Variants in HEATR5B observed in about 807,000 individuals in gnomAD.
HEATR5B encodes the protein HEAT repeat containing 5B, also known as HEAT repeat-containing protein 5B.
HEATR5B carries 156 observed loss-of-function variants against 224.1 expected under a neutral mutation model. The ratio of observed to expected loss-of-function variants is 0.70; its 90% CI spans 0.61 to 0.80. The LOEUF is 0.80. Among genes scored for constraint, HEATR5B ranks in the 30% least tolerant of loss-of-function variants. HEATR5B has a pLI of 0.00. For synonymous variants in HEATR5B, 1,027 were observed against 893.0 expected (o/e 1.15, Z -2.68); for missense variants, 2,323 against 2,535.5 (o/e 0.92, Z 1.80).
intron 21 of HEATR5B, among the ~76,000 whole-genome samples, chr2:37,033,888 T>C (rs1349743203): frequency 6.6e-6 from 1 of 152,154 alleles, no homozygotes; most frequent in Non-Finnish European, 1.5e-5. Context: ...TAAGCTATTA[T>C]AATTATTAGT....
In HEATR5B at chr2:37,064,862, C is replaced by T. The variant is rs1171311124; in HGVS notation, c.1462G>A (p.Ala488Thr). Residue 488 changes from alanine (A) to threonine (T), a missense_variant, in exon 10 of 36, where the codon GCA becomes ACA. Coordinates refer to ENST00000233099, the MANE Select transcript of HEATR5B (RefSeq NM_019024.3). ...FQLTPFLDRC[A>T]ERLNNLKTSP... is the part of the protein sequence containing the mutation. ...GTCTTCAAGTTGTTGAGCCGTTCTG[C>T]ACACCTGTCTAGAAATGGTGTCAGC... 7.4e-6 allele frequency: 12 copies of T among 1,613,988 alleles called. No individual in the cohort carries two copies. Among genetic ancestry groups the T allele is most frequent in the Non-Finnish European group, 1.0e-5 (12 of 1,180,010 alleles).
intron 12 of HEATR5B, among the ~76,000 whole-genome samples, chr2:37,060,068 T>C (rs1671184313): frequency 6.6e-6 from 1 of 152,224 alleles, no homozygotes; most frequent in African/African-American, 2.4e-5. Context: ...GCGTTTCCTG[T>C]AAGCTGTTAA....
intron 21 of HEATR5B, 65 bp from the exon 22 acceptor site, chr2:37,032,838 C>T: frequency 2.9e-6 from 4 of 1,382,186 alleles, no homozygotes; most frequent in Non-Finnish European, 4.0e-6. Context: ...ATCTTATTTG[C>T]CCAATGAATA....
Position 37,005,485 on chromosome 2 carries a change from A to C in HEATR5B, c.4905+147T>G, listed in dbSNP as rs1667351493. Reference sequence around the variant, plus strand: ...GGCAGACCAGGCACAGAGTAAAAGTAACTGGGTGAATAAATACAGGGAGTC... The same window carrying C: ...GGCAGACCAGGCACAGAGTAAAAGTCACTGGGTGAATAAATACAGGGAGTC... On this transcript the variant is annotated intron_variant, in intron 30 of 35. Transcript: ENST00000233099. 4.0e-5 allele frequency: 29 copies of C among 728,636 alleles called. No individual in the cohort carries two copies. The South Asian group carries it at 5.2e-4, about 13-fold the overall frequency. The allele number at this position is 728,636 out of a possible 1,614,324, so 45.1% of individuals were successfully genotyped here. A position where few individuals can be genotyped will look rare whatever the true frequency, so the allele number is the denominator to read the frequency against.
intron 27 of HEATR5B, among the ~76,000 whole-genome samples, 182 bp from the exon 28 acceptor site, chr2:37,009,030 C>A (rs912944506): frequency 6.6e-5 from 10 of 151,678 alleles, no homozygotes; most frequent in Admixed American, 1.3e-4. Context: ...GAGGCCAAGG[C>A]GGGTAGATCA....
At chr2:37,065,931 C>G (rs200176334) in intron 8 of HEATR5B, 21 bp from the exon 9 acceptor site, 1 of 1,590,738 alleles carries the variant, frequency 6.3e-7, no homozygotes, top group African/African-American at 1.3e-5. Context: ...AAAATCATGT[C>G]TTTGACATAG....
chr2:37,063,745 T>G (rs1010611987), intron 10 of HEATR5B, among the ~76,000 whole-genome samples: 3 of 152,116 alleles, frequency 2.0e-5, no homozygotes, highest in Admixed American at 1.3e-4. Context: ...TTAAGATTAC[T>G]GAGAAGAAAA....
At position 37,001,623 on chromosome 2, in the gene HEATR5B, T is replaced by TA. The variant is rs755078985; in HGVS notation, c.5317+682dup. Among the ~76,000 whole-genome samples, 500 of 144,340 alleles carry TA rather than the reference T, an allele frequency of 3.5e-3. 10 individuals carry two copies. The East Asian group carries it at 0.05, about 14-fold the overall frequency. The allele number at this position is 144,340 out of a possible 152,430, so 94.7% of individuals were successfully genotyped here. ...TAACATTAACAACAGCTGATGAGCT[T>TA]AAAAAAAAAAAGTCTCCTCTGACAT... On this transcript the variant is annotated intron_variant, in intron 32 of 35. Coordinates refer to ENST00000233099, the MANE Select transcript of HEATR5B (RefSeq NM_019024.3).
chr2:36,985,703 G>C (rs570938248), intron 35 of HEATR5B, among the ~76,000 whole-genome samples: 1 of 142,562 alleles, frequency 7.0e-6, no homozygotes, highest in South Asian at 2.2e-4. Flanking sequence ...CTGAACTCGT[G>C]ATCCATCCGC....
At chr2:37,015,089 A>T (rs978241216) in intron 26 of HEATR5B, among the ~76,000 whole-genome samples, 2 of 152,254 alleles carry the variant, frequency 1.3e-5, no homozygotes, top group African/African-American at 2.4e-5. Flanking sequence ...AATATGGGAC[A>T]CTTAAAAACA....
At chr2:37,010,037 T>C (rs1253454327) in intron 27 of HEATR5B, among the ~76,000 whole-genome samples, 1 of 152,184 alleles carries the variant, frequency 6.6e-6, no homozygotes, top group Non-Finnish European at 1.5e-5. Context: ...TCTCTCTAGT[T>C]TGTGAGCCAA....
chr2:37,080,803 G>C (rs550391488), intron 2 of HEATR5B, among the ~76,000 whole-genome samples: 112 of 151,902 alleles, frequency 7.4e-4, no homozygotes, highest in African/African-American at 2.6e-3. Flanking sequence ...CCTGAACTGA[G>C]GAAGAGTTAA....
chr2:37,074,369 T>C (rs558458419), intron 5 of HEATR5B, among the ~76,000 whole-genome samples: 1 of 147,896 alleles, frequency 6.8e-6, no homozygotes, highest in East Asian at 2.0e-4. Context: ...GATATCCATA[T>C]TGAAAAAAAA....
chr2:37,022,705 G>A (rs2148444830), intron 24 of HEATR5B, among the ~76,000 whole-genome samples: 1 of 152,298 alleles, frequency 6.6e-6, no homozygotes, highest in South Asian at 2.1e-4. Flanking sequence ...TTTATAATAA[G>A]ATATGGAAAA....
intron 12 of HEATR5B, among the ~76,000 whole-genome samples, chr2:37,059,462 A>T (rs1160256393): frequency 0.062 from 5,768 of 93,766 alleles, 282 homozygotes; most frequent in African/African-American, 0.097. Context: ...ATATATATAT[A>T]TATTTTTTTT....
chr2:37,011,667 C>A (rs990253319), intron 27 of HEATR5B, among the ~76,000 whole-genome samples: 1 of 152,152 alleles, frequency 6.6e-6, no homozygotes, highest in African/African-American at 2.4e-5. Flanking sequence ...TAATGACTTA[C>A]AGTGGATGAC....
intron 22 of HEATR5B, among the ~76,000 whole-genome samples, chr2:37,029,648 G>C (rs1668995813): frequency 6.6e-6 from 1 of 151,792 alleles, no homozygotes; most frequent in Non-Finnish European, 1.5e-5. Context: ...TGGACCACAA[G>C]AGTGAAACTC....
chr2:37,047,484 A>T (rs1332840849), intron 18 of HEATR5B, among the ~76,000 whole-genome samples: 2 of 152,240 alleles, frequency 1.3e-5, no homozygotes, highest in African/African-American at 4.8e-5. Flanking sequence ...AGTGATAATC[A>T]TCTCTTCACA....
intron 22 of HEATR5B, among the ~76,000 whole-genome samples, chr2:37,031,194 A>G (rs931989733): frequency 9.2e-5 from 14 of 151,912 alleles, no homozygotes; most frequent in African/African-American, 3.4e-4. Flanking sequence ...CATCCTACAC[A>G]CCTTTTATTC....
Sources: gnomAD v4.1 joint callset for allele counts (sites outside exome capture counted in the v4.1 genomes callset) on GRCh38, gnomAD v4.1.1 for gene constraint, MANE v1.5 for transcripts, NCBI Gene and HGNC (gene_info 2026-07-23, HGNC 2026-07-21) for gene names.